Variants in ARHGAP6 observed in about 807,000 individuals in gnomAD.
ARHGAP6 encodes rho GTPase-activating protein 6.
ARHGAP6 carries 16 observed loss-of-function variants against 55.7 expected under a neutral mutation model. The observed-to-expected ratio is 0.29, with a 90% confidence interval of 0.19 to 0.44. The LOEUF is 0.44. Ranked by LOEUF, ARHGAP6 falls within the 20% of genes least tolerant of loss-of-function variation. The pLI is 1.00. For synonymous variants in ARHGAP6, 382 were observed against 360.9 expected (o/e 1.06, Z -0.66); for missense variants, 698 against 808.9 (o/e 0.86, Z 1.66).
Position 11,139,030 on chromosome X carries a change from G to T in ARHGAP6, c.2758C>A (p.Gln920Lys), listed in dbSNP as rs778156469. 1.7e-6 allele frequency: 2 copies of T among 1,208,030 alleles called. No individual in the cohort carries two copies. Among genetic ancestry groups the T allele is most frequent in the African/African-American group, 1.7e-5 (1 of 57,900 alleles). ...CTGCTCAGTTTTTTCTGCGTGACCT[G>T]CTGCTCTCGCTCGGCTGCTTGGCCT... is the stretch of plus-strand genomic sequence containing the variant. ...QGGQAAEREQ[Q>K]VTQKKLSSAN... The change falls in exon 13 of 13, where the codon CAG becomes AAG. Residue 920 changes from glutamine (Q) to lysine (K), a missense_variant. Gln to Lys is a moderately conservative substitution (Grantham distance 53). Transcript: ENST00000337414.
At chrX:11,551,237 G>A (rs1292138301) in intron 1 of ARHGAP6, among the ~76,000 whole-genome samples, 2 of 111,452 alleles carry the variant, frequency 1.8e-5, no homozygotes, top group Non-Finnish European at 3.8e-5. Context: ...CTGAGGTTAG[G>A]ATGAATACTA....
intron 1 of ARHGAP6, among the ~76,000 whole-genome samples, chrX:11,560,020 T>C (rs2051368650): frequency 9.1e-6 from 1 of 109,774 alleles, no homozygotes; most frequent in Non-Finnish European, 1.9e-5. Context: ...TGCCTGTTCT[T>C]TAAAAGCTAA....
chrX:11,354,487 T>C (rs2048909792), intron 1 of ARHGAP6, among the ~76,000 whole-genome samples: 6 of 107,581 alleles, frequency 5.6e-5, no homozygotes, highest in African/African-American at 2.0e-4. Context: ...AGGAGTACCA[T>C]CCATGATAGA....
At chrX:11,552,599 T>TATATAC (rs1491079107) in intron 1 of ARHGAP6, among the ~76,000 whole-genome samples, 4 of 48,221 alleles carry the variant, frequency 8.3e-5, no homozygotes, top group African/African-American at 1.8e-4. Context: ...TATATATATA[T>TATATAC]AGACACACAC....
intron 1 of ARHGAP6, among the ~76,000 whole-genome samples, chrX:11,468,713 T>C (rs779869776): frequency 8.9e-6 from 1 of 112,368 alleles, no homozygotes; most frequent in African/African-American, 3.2e-5. Context: ...TTGAGAAAAT[T>C]TCTTCCAACA....
At chrX:11,654,356 CA>C (rs1414390589) in intron 1 of ARHGAP6, among the ~76,000 whole-genome samples, 1 of 111,732 alleles carries the variant, frequency 8.9e-6, no homozygotes, top group Non-Finnish European at 1.9e-5. Context: ...TCCACTTCTA[CA>C]GAAATGAAAA....
At chrX:11,204,535 T>C (rs2046676713) in intron 2 of ARHGAP6, among the ~76,000 whole-genome samples, 1 of 112,055 alleles carries the variant, frequency 8.9e-6, no homozygotes, top group Non-Finnish European at 1.9e-5. Context: ...CCCAGTGTTT[T>C]GATGACCATT....
chrX:11,568,790 A>T (rs748467621), intron 1 of ARHGAP6, among the ~76,000 whole-genome samples: 2 of 111,200 alleles, frequency 1.8e-5, no homozygotes, highest in South Asian at 3.8e-4. Flanking sequence ...TCTGCTCACT[A>T]AATCAAAGTG....
chrX:11,272,732 G>A (rs1378837784), intron 1 of ARHGAP6, among the ~76,000 whole-genome samples: 4 of 111,803 alleles, frequency 3.6e-5, no homozygotes, highest in East Asian at 2.8e-4. Flanking sequence ...TGTTTTTCAC[G>A]TGCACAGGCT....
intron 1 of ARHGAP6, among the ~76,000 whole-genome samples, chrX:11,306,113 C>T (rs1430625067): frequency 2.7e-5 from 3 of 111,642 alleles, no homozygotes; most frequent in Non-Finnish European, 3.8e-5. Flanking sequence ...CACTGCTCTA[C>T]GTTGGCTGGC....
chrX:11,490,041 GA>G (rs963294337), intron 1 of ARHGAP6, among the ~76,000 whole-genome samples: 3 of 111,457 alleles, frequency 2.7e-5, no homozygotes, highest in Admixed American at 9.5e-5. Context: ...AGTTAAACCA[GA>G]AATACGGGTG....
At chrX:11,350,072 C>T (rs2048841454) in intron 1 of ARHGAP6, among the ~76,000 whole-genome samples, 1 of 112,056 alleles carries the variant, frequency 8.9e-6, no homozygotes, top group South Asian at 3.7e-4. Context: ...ATGATGGCCA[C>T]TCCTACTATT....
At chrX:11,637,176 AGAT>A (rs776500819) in intron 1 of ARHGAP6, among the ~76,000 whole-genome samples, 11 of 111,515 alleles carry the variant, frequency 9.9e-5, no homozygotes. Context: ...TACAGTTGCA[AGAT>A]GATGATTTTT....
chrX:11,437,454 G>T (rs1469264557), intron 1 of ARHGAP6, among the ~76,000 whole-genome samples: 9 of 112,065 alleles, frequency 8.0e-5, no homozygotes, highest in Non-Finnish European at 1.3e-4. Flanking sequence ...GTTGCTTTAG[G>T]TAGAGTTCCT....
chrX:11,567,264 G>C (rs942923120), intron 1 of ARHGAP6, among the ~76,000 whole-genome samples: 5 of 111,658 alleles, frequency 4.5e-5, no homozygotes, highest in African/African-American at 1.6e-4. Context: ...AGGTGAGACA[G>C]AGAAGGGAAA....
intron 1 of ARHGAP6, among the ~76,000 whole-genome samples, chrX:11,403,287 C>G (rs2049572237): frequency 9.0e-6 from 1 of 111,365 alleles, no homozygotes; most frequent in Admixed American, 9.6e-5. Context: ...TGAGTCAAAT[C>G]AGTCATCTTT....
rs757159927 is a variant in ARHGAP6, at chrX:11,201,130, G to T, written c.749-4134C>A. 1.3e-4 allele frequency among the ~76,000 whole-genome samples: 15 copies of T among 112,056 alleles called. No homozygotes were observed. The East Asian group carries it at 4.2e-3, about 31-fold the overall frequency. On this transcript the variant is annotated intron_variant, in intron 2 of 12. Transcript: ENST00000337414. ...TTCCTCAATGAAAGTAATAACAAAAGACCTCATCATTTTTGCAGAAACGCA... is the reference window on the plus strand; with the variant it reads ...TTCCTCAATGAAAGTAATAACAAAATACCTCATCATTTTTGCAGAAACGCA...
chrX:11,204,305 G>T (rs759142786), intron 2 of ARHGAP6, among the ~76,000 whole-genome samples: 1 of 111,792 alleles, frequency 8.9e-6, no homozygotes, highest in African/African-American at 3.2e-5. Context: ...AGAATGAATG[G>T]ATGGGGATTG....
At chrX:11,216,679 T>C (rs896077814) in intron 2 of ARHGAP6, among the ~76,000 whole-genome samples, 1 of 109,821 alleles carries the variant, frequency 9.1e-6, no homozygotes, top group Non-Finnish European at 1.9e-5. Flanking sequence ...AAACATGGCA[T>C]TTTGTGTAGC....
Sources: gnomAD v4.1 joint callset for allele counts (sites outside exome capture counted in the v4.1 genomes callset) on GRCh38, gnomAD v4.1.1 for gene constraint, MANE v1.5 for transcripts, NCBI Gene and HGNC (gene_info 2026-07-23, HGNC 2026-07-21) for gene names.